The following WWOX variants were observed in gnomAD, a reference collection of about 807,000 sequenced individuals.
The protein encoded by WWOX is WW domain containing oxidoreductase, also known as WW domain-containing oxidoreductase.
Under a neutral mutation model 46.2 loss-of-function variants are expected in WWOX, and 69 were observed. The observed-to-expected ratio is 1.49, with a 90% confidence interval of 1.23 to 1.82. WWOX has a LOEUF of 1.82. Among genes scored for constraint, WWOX ranks in the 40% most tolerant of loss-of-function variants. The probability of loss-of-function intolerance (pLI) is 0.00; values close to 1 mark genes in which losing one functional copy is unlikely to be tolerated. For missense variants in WWOX, 919 were observed against 542.6 expected, an observed-to-expected ratio of 1.69 and a Z score of -6.89; for synonymous variants, 359 against 202.6, an observed-to-expected ratio of 1.77 and a Z score of -6.56.
chr16:78,922,677 C>G (rs2045406870), intron 8 of WWOX, among the ~76,000 whole-genome samples: 1 of 152,160 alleles, frequency 6.6e-6, no homozygotes, highest in African/African-American at 2.4e-5. Flanking sequence ...CGACCACCAG[C>G]CTCAGTGAAT....
chr16:78,116,163 C>T (rs1012137920), intron 4 of WWOX, among the ~76,000 whole-genome samples: 2 of 152,058 alleles, frequency 1.3e-5, no homozygotes, highest in Non-Finnish European at 2.9e-5. Context: ...TCAGTTATAC[C>T]CTTTTAGATA....
intron 6 of WWOX, among the ~76,000 whole-genome samples, chr16:78,418,984 G>T (rs1288452797): frequency 1.3e-5 from 2 of 152,082 alleles, no homozygotes; most frequent in Non-Finnish European, 2.9e-5. Flanking sequence ...GGAAAAAAAA[G>T]ATCCAGATTG....
intron 8 of WWOX, among the ~76,000 whole-genome samples, chr16:79,038,079 A>G (rs374307776): frequency 9.9e-5 from 15 of 152,158 alleles, no homozygotes; most frequent in South Asian, 4.2e-4. Flanking sequence ...CTCCTCAACA[A>G]TTAATTCAGA....
At chr16:79,083,973 G>C (rs192290933) in intron 8 of WWOX, among the ~76,000 whole-genome samples, 2 of 152,278 alleles carry the variant, frequency 1.3e-5, no homozygotes, top group Admixed American at 6.5e-5. Flanking sequence ...CTCCCGATCG[G>C]AGCCCACCCT....
At chr16:79,001,969 A>G (rs888448962) in intron 8 of WWOX, among the ~76,000 whole-genome samples, 1 of 152,156 alleles carries the variant, frequency 6.6e-6, no homozygotes, top group Non-Finnish European at 1.5e-5. Flanking sequence ...TATTAAATAG[A>G]AGAAAATCAG....
intron 8 of WWOX, among the ~76,000 whole-genome samples, chr16:79,043,261 A>G (rs1110898): frequency 0.23 from 35,483 of 152,078 alleles, 4,113 homozygotes; most frequent in Admixed American, 0.26. Flanking sequence ...TTTACAATGA[A>G]CTTCGTGAAT....
rs57474910 is a variant in WWOX, at chr16:78,860,645, A to G, written c.1057-350963A>G. ...AACAAACACAAAATAAATACTTCAT[A>G]TAAGTTCAGGTAATGATAATGCGTG... On this transcript the variant is annotated intron_variant, in intron 8 of 8. Transcript: ENST00000566780. Among the ~76,000 whole-genome samples the G allele has an allele frequency of 5.8e-3, 887 of 152,340 alleles. 15 individuals are homozygous for G. The highest frequency in any genetic ancestry group is 0.02 in the African/African-American group (842 of 41,568).
chr16:78,482,184 G>T (rs141693511), intron 8 of WWOX, among the ~76,000 whole-genome samples: 2,071 of 152,282 alleles, frequency 0.014, 44 homozygotes, highest in African/African-American at 0.047. Context: ...TAGTGAAGCA[G>T]AGGTTGAAGG....
At chr16:79,196,273 C>G (rs562485432) in intron 8 of WWOX, 1 of 152,318 alleles carries the variant, frequency 6.6e-6, no homozygotes, top group South Asian at 2.1e-4. Flanking sequence ...TACACATATA[C>G]AAATTACTTG....
chr16:78,669,176 C>G (rs1344456804), intron 8 of WWOX, among the ~76,000 whole-genome samples: 1 of 152,136 alleles, frequency 6.6e-6, no homozygotes, highest in East Asian at 1.9e-4. Context: ...AACCGGAAGA[C>G]AAAAAACTTC....
chr16:78,374,527 A>ATTTTTTTTTTTTTTTTTTTTT (rs541225697), intron 5 of WWOX, among the ~76,000 whole-genome samples: 1 of 70,902 alleles, frequency 1.4e-5, no homozygotes, highest in Non-Finnish European at 2.6e-5. Context: ...TCTGTCTTGA[A>ATTTTTTTTTTTTTTTTTTTTT]TTTTTTTTTT....
intron 8 of WWOX, among the ~76,000 whole-genome samples, chr16:78,786,575 A>T (rs533870728): frequency 2.6e-5 from 4 of 152,182 alleles, no homozygotes; most frequent in Admixed American, 2.6e-4. Context: ...ACACTTTCCA[A>T]TAAGCCCATT....
intron 6 of WWOX, among the ~76,000 whole-genome samples, chr16:78,391,802 G>C (rs530778694): frequency 6.6e-6 from 1 of 152,298 alleles, no homozygotes; most frequent in South Asian, 2.1e-4. Flanking sequence ...AGTGAGCCGA[G>C]ATCATGCCTG....
At chr16:79,071,658 T>G (rs745320586) in intron 8 of WWOX, among the ~76,000 whole-genome samples, 1 of 152,266 alleles carries the variant, frequency 6.6e-6, no homozygotes, top group Non-Finnish European at 1.5e-5. Flanking sequence ...TAAACCACTC[T>G]TGGGTCTTTC....
At chr16:78,758,062 T>C (rs2142477969) in intron 8 of WWOX, among the ~76,000 whole-genome samples, 1 of 152,318 alleles carries the variant, frequency 6.6e-6, no homozygotes, top group East Asian at 1.9e-4. Flanking sequence ...CTATTATTAT[T>C]AATATTTAAA....
intron 8 of WWOX, among the ~76,000 whole-genome samples, chr16:78,500,123 A>C (rs1022665736): frequency 3.0e-4 from 45 of 152,310 alleles, no homozygotes; most frequent in Admixed American, 1.8e-3. Context: ...TGCCATTCTA[A>C]TGCATGAGCT....
chr16:78,947,721 A>C (rs8061217), intron 8 of WWOX, among the ~76,000 whole-genome samples: 1 of 152,122 alleles, frequency 6.6e-6, no homozygotes, highest in Non-Finnish European at 1.5e-5. Context: ...AGAAAAGCCA[A>C]AAAGAATGTG....
At chr16:78,336,023 C>T (rs1214524437) in intron 5 of WWOX, among the ~76,000 whole-genome samples, 1 of 151,594 alleles carries the variant, frequency 6.6e-6, no homozygotes, top group African/African-American at 2.4e-5. Flanking sequence ...ACCTGGGAGG[C>T]AGATGTTGCA....
intron 5 of WWOX, among the ~76,000 whole-genome samples, chr16:78,209,082 G>C (rs2036480072): frequency 6.6e-6 from 1 of 152,176 alleles, no homozygotes; most frequent in African/African-American, 2.4e-5. Context: ...TCTATTTCAT[G>C]CTAAATAGGG....
Sources: gnomAD v4.1 joint callset for allele counts (sites outside exome capture counted in the v4.1 genomes callset) on GRCh38, gnomAD v4.1.1 for gene constraint, MANE v1.5 for transcripts, NCBI Gene and HGNC (gene_info 2026-07-23, HGNC 2026-07-21) for gene names.